Variants in CLVS1 observed in about 807,000 individuals in gnomAD.
CLVS1 encodes clavesin 1.
CLVS1 carries 10 observed loss-of-function variants against 33.1 expected under a neutral mutation model. The observed-to-expected ratio is 0.30, with a 90% CI of 0.19 to 0.51. CLVS1 has a LOEUF of 0.51. Among genes scored for constraint, CLVS1 ranks in the 20% least tolerant of loss-of-function variants. The pLI, the probability that CLVS1 is intolerant of heterozygous loss-of-function variation, is 0.97. For synonymous variants in CLVS1, 163 were observed against 166.1 expected (o/e 0.98, Z 0.14); for missense variants, 343 against 433.4 (o/e 0.79, Z 1.85).
At chr8:61,215,714 GTGTGTGTGTGTGTGTT>G (rs779994575) in intron 2 of CLVS1, among the ~76,000 whole-genome samples, 1 of 111,964 alleles carries the variant, frequency 8.9e-6, no homozygotes, top group African/African-American at 3.6e-5. Context: ...GTGTGTGTGT[GTGTGTGTGTGTGTGTT>G]TTCTGTGTGC....
the CLVS1 span, among the ~76,000 whole-genome samples, chr8:61,050,231 T>A: frequency 6.6e-6 from 1 of 152,272 alleles, no homozygotes; most frequent in Non-Finnish European, 1.5e-5. Context: ...TGATGCCATT[T>A]GCATCCAAAT....
At chr8:61,363,975 C>G (rs1296510893) in intron 2 of CLVS1, among the ~76,000 whole-genome samples, 1 of 152,160 alleles carries the variant, frequency 6.6e-6, no homozygotes, top group Non-Finnish European at 1.5e-5. Context: ...ACATCTGGTC[C>G]TGCCAATTAA....
chr8:61,127,428 A>G (rs1805998053), intron 1 of CLVS1, among the ~76,000 whole-genome samples: 1 of 152,124 alleles, frequency 6.6e-6, no homozygotes, highest in Non-Finnish European at 1.5e-5. Flanking sequence ...CATGTTGGTC[A>G]GGCTGGTCTA....
At chr8:61,339,793 G>GAAA (rs200743169) in intron 2 of CLVS1, among the ~76,000 whole-genome samples, 3 of 98,580 alleles carry the variant, frequency 3.0e-5, no homozygotes, top group Non-Finnish European at 2.2e-5. Flanking sequence ...ACAAGAAAGA[G>GAAA]AAAAAAGAGA....
intron 2 of CLVS1, among the ~76,000 whole-genome samples, chr8:61,164,389 C>T (rs578132325): frequency 6.6e-6 from 1 of 152,322 alleles, no homozygotes; most frequent in Admixed American, 6.5e-5. Flanking sequence ...AAAGCCCTGG[C>T]TCTTAAAGCT....
intron 2 of CLVS1, among the ~76,000 whole-genome samples, chr8:61,241,169 G>T (rs1002577194): frequency 6.6e-6 from 1 of 152,020 alleles, no homozygotes; most frequent in Non-Finnish European, 1.5e-5. Flanking sequence ...CATTTTGGAG[G>T]TATACAAACA....
the CLVS1 span, among the ~76,000 whole-genome samples, chr8:60,995,884 TCATCG>T: frequency 6.6e-6 from 1 of 152,096 alleles, no homozygotes; most frequent in Non-Finnish European, 1.5e-5. Context: ...AAATTGGAAA[TCATCG>T]TTCTCAGTAA....
At chr8:61,397,258 A>C (rs1044109065) in intron 3 of CLVS1, among the ~76,000 whole-genome samples, 21 of 152,106 alleles carry the variant, frequency 1.4e-4, no homozygotes, top group African/African-American at 5.1e-4. Flanking sequence ...GATATGAAAC[A>C]GTATCTCATT....
chr8:61,335,600 T>C (rs1290841891), intron 2 of CLVS1, among the ~76,000 whole-genome samples: 1 of 152,210 alleles, frequency 6.6e-6, no homozygotes, highest in Non-Finnish European at 1.5e-5. Flanking sequence ...TTAGGGCTGT[T>C]GTGACAATTT....
At chr8:61,473,532 T>C (rs1421198227) in intron 5 of CLVS1, among the ~76,000 whole-genome samples, 1 of 151,934 alleles carries the variant, frequency 6.6e-6, no homozygotes, top group Non-Finnish European at 1.5e-5. Context: ...AATAGATAAG[T>C]TTATTAAAAT....
chr8:61,212,773 C>A (rs1807999366), intron 2 of CLVS1, among the ~76,000 whole-genome samples: 1 of 152,100 alleles, frequency 6.6e-6, no homozygotes, highest in South Asian at 2.1e-4. Context: ...CACTCCTCAG[C>A]CGGGCTGCTG....
intron 2 of CLVS1, among the ~76,000 whole-genome samples, chr8:61,189,446 T>C (rs1807417417): frequency 6.6e-6 from 1 of 152,184 alleles, no homozygotes; most frequent in Non-Finnish European, 1.5e-5. Flanking sequence ...CCATGGATGC[T>C]AGGAAGAAGC....
chr8:61,099,778 T>C (rs1275831178), intron 1 of CLVS1, among the ~76,000 whole-genome samples: 2 of 152,228 alleles, frequency 1.3e-5, no homozygotes, highest in African/African-American at 2.4e-5. Context: ...GAACTTCTAA[T>C]GTGGGCAAAC....
chr8:61,202,816 G>A, intron 2 of CLVS1: 1 of 1,205,276 alleles, frequency 8.3e-7, no homozygotes, highest in Non-Finnish European at 1.2e-6. Flanking sequence ...ACAGAAAAAA[G>A]TAAAACTTGC....
chr8:61,102,455 C>G (rs1308335156), intron 1 of CLVS1, among the ~76,000 whole-genome samples: 1 of 152,090 alleles, frequency 6.6e-6, no homozygotes, highest in Non-Finnish European at 1.5e-5. Context: ...ATCTTGCATC[C>G]TGCAACCTTG....
intron 5 of CLVS1, among the ~76,000 whole-genome samples, chr8:61,473,811 T>C (rs952522934): frequency 3.9e-5 from 6 of 152,184 alleles, no homozygotes; most frequent in Admixed American, 3.9e-4. Context: ...TGCTGCTGAA[T>C]GGAAAGCAGA....
intron 1 of CLVS1, among the ~76,000 whole-genome samples, chr8:61,089,274 G>T (rs962479482): frequency 2.6e-5 from 4 of 152,254 alleles, no homozygotes; most frequent in Middle Eastern, 3.4e-3. Context: ...CAGATAGATG[G>T]AACACTCTGT....
chr8:61,292,315 C>T (rs1233269746), intron 1 of CLVS1: 1 of 455,854 alleles, frequency 2.2e-6, no homozygotes, highest in Non-Finnish European at 4.4e-6. Context: ...TTACTTTTCC[C>T]AGGCAGTTTT....
At chr8:61,437,931 A>G (rs2129605913) in intron 3 of CLVS1, among the ~76,000 whole-genome samples, 2 of 152,356 alleles carry the variant, frequency 1.3e-5, no homozygotes, top group Middle Eastern at 3.4e-3. Flanking sequence ...TAGAGGAAAT[A>G]AGACGTTGAA....
Sources: gnomAD v4.1 joint callset for allele counts (sites outside exome capture counted in the v4.1 genomes callset) on GRCh38, gnomAD v4.1.1 for gene constraint, MANE v1.5 for transcripts, NCBI Gene and HGNC (gene_info 2026-07-23, HGNC 2026-07-21) for gene names.